MYO16: variants seen among roughly 807,000 people sequenced by gnomAD.
The protein encoded by MYO16 is myosin XVI, also known as unconventional myosin-XVI.
In MYO16, 94 loss-of-function variants were observed where a neutral mutation model predicts 205.3. The observed-to-expected ratio is 0.46, with a 90% CI of 0.39 to 0.54. MYO16 has a LOEUF of 0.54. MYO16 is among the 20% of genes least tolerant of loss of function. The pLI is 0.00. For synonymous variants in MYO16, 988 were observed against 954.0 expected, an observed-to-expected ratio of 1.04 and a Z score of -0.66; for missense variants, 2,315 against 2,387.5, an observed-to-expected ratio of 0.97 and a Z score of 0.63.
intron 1 of MYO16, among the ~76,000 whole-genome samples, chr13:108,645,138 C>A (rs1422286111): frequency 2.0e-5 from 3 of 152,168 alleles, no homozygotes; most frequent in Non-Finnish European, 4.4e-5. Flanking sequence ...TTACTTTGGA[C>A]CAGATCTAAG....
intron 9 of MYO16, among the ~76,000 whole-genome samples, chr13:108,834,935 T>C (rs1876822594): frequency 1.3e-5 from 2 of 151,878 alleles, no homozygotes. Flanking sequence ...AAATGTTTTA[T>C]TGTTAAAGAA....
At chr13:109,058,360 T>C (rs1887480060) in intron 27 of MYO16, among the ~76,000 whole-genome samples, 1 of 152,126 alleles carries the variant, frequency 6.6e-6, no homozygotes, top group African/African-American at 2.4e-5. Context: ...CAGTGACTGG[T>C]ATGCAGTTGA....
intron 27 of MYO16, among the ~76,000 whole-genome samples, chr13:109,078,089 A>G (rs766410545): frequency 2.0e-5 from 3 of 151,910 alleles, no homozygotes; most frequent in Admixed American, 2.0e-4. Flanking sequence ...GGTTTAAGTT[A>G]TTGTAGTTTT....
chr13:109,084,104 T>A (rs7984726), intron 27 of MYO16, among the ~76,000 whole-genome samples: 83,554 of 152,092 alleles, frequency 0.55, 23,333 homozygotes, highest in Non-Finnish European at 0.6. Flanking sequence ...ATAGTCTTCT[T>A]TTAATACCAT....
chr13:108,895,308 C>A (rs1013125386), intron 14 of MYO16, among the ~76,000 whole-genome samples: 1 of 151,832 alleles, frequency 6.6e-6, no homozygotes, highest in African/African-American at 2.4e-5. Flanking sequence ...TGTTACTGTG[C>A]AACGTTGTCA....
chr13:109,035,067 G>T (rs72654085), intron 23 of MYO16, among the ~76,000 whole-genome samples: 7,799 of 152,134 alleles, frequency 0.051, 267 homozygotes, highest in Non-Finnish European at 0.069. Flanking sequence ...TTGGTCTATT[G>T]TTCCTTCTAC....
At chr13:108,825,073 G>T (rs1034825707) in intron 9 of MYO16, among the ~76,000 whole-genome samples, 1 of 151,952 alleles carries the variant, frequency 6.6e-6, no homozygotes, top group Non-Finnish European at 1.5e-5. Context: ...GAATTACCCG[G>T]ATACAAAAAT....
intron 4 of MYO16, among the ~76,000 whole-genome samples, chr13:108,733,542 A>G (rs1450076058): frequency 6.6e-6 from 1 of 152,108 alleles, no homozygotes; most frequent in African/African-American, 2.4e-5. Flanking sequence ...TAATTCATTC[A>G]GAGCTAAGAG....
At chr13:109,145,983 G>C (rs1466867197) in intron 32 of MYO16, among the ~76,000 whole-genome samples, 5 of 152,234 alleles carry the variant, frequency 3.3e-5, no homozygotes, top group African/African-American at 4.8e-5. Flanking sequence ...TTCTGATACA[G>C]TGCATCCTTA....
intron 27 of MYO16, among the ~76,000 whole-genome samples, chr13:109,064,705 G>C (rs936603322): frequency 6.6e-6 from 1 of 152,106 alleles, no homozygotes; most frequent in South Asian, 2.1e-4. Flanking sequence ...CAAAAAAAAG[G>C]CTGAATGAGT....
chr13:109,202,844 A>G (rs79350550), intron 34 of MYO16, among the ~76,000 whole-genome samples: 11 of 152,334 alleles, frequency 7.2e-5, no homozygotes, highest in African/African-American at 2.6e-4. Context: ...CTAGTATAAA[A>G]CAGGCAGATA....
the MYO16 span, among the ~76,000 whole-genome samples, chr13:108,564,262 C>A: frequency 6.6e-6 from 1 of 151,636 alleles, no homozygotes; most frequent in African/African-American, 2.4e-5. Flanking sequence ...CCTCCATGTC[C>A]CAGGTTCAAG....
intron 7 of MYO16, among the ~76,000 whole-genome samples, chr13:108,809,194 AT>A (rs1258736639): frequency 1.3e-5 from 2 of 152,202 alleles, no homozygotes; most frequent in Non-Finnish European, 2.9e-5. Flanking sequence ...TTTATTCGTG[AT>A]AAGTCAGTTA....
chr13:109,090,679 AGAATCATGGGAAG>A (rs1189723030), intron 27 of MYO16, among the ~76,000 whole-genome samples: 1 of 152,248 alleles, frequency 6.6e-6, no homozygotes, highest in African/African-American at 2.4e-5. Flanking sequence ...ATTTCCTGTC[AGAATCATGGGAAG>A]GAGGGAAAAA....
At chr13:108,953,226 T>G (rs935808808) in intron 16 of MYO16, among the ~76,000 whole-genome samples, 1 of 152,242 alleles carries the variant, frequency 6.6e-6, no homozygotes, top group African/African-American at 2.4e-5. Flanking sequence ...GTTACTTTTA[T>G]CTGTCTGAGG....
At chr13:109,181,821 AT>A (rs1259095070) in intron 34 of MYO16, among the ~76,000 whole-genome samples, 43 of 148,368 alleles carry the variant, frequency 2.9e-4, no homozygotes, top group African/African-American at 8.3e-4. Context: ...TATTTATTTT[AT>A]TTTATTTTTT....
chr13:108,845,260 A>T (rs1341548763), intron 10 of MYO16, among the ~76,000 whole-genome samples: 1 of 152,196 alleles, frequency 6.6e-6, no homozygotes, highest in Non-Finnish European at 1.5e-5. Flanking sequence ...AAAGCAGATA[A>T]ACAAAACATC....
At chr13:108,685,376 A>G (rs973086760) in intron 2 of MYO16, among the ~76,000 whole-genome samples, 1 of 152,168 alleles carries the variant, frequency 6.6e-6, no homozygotes, top group Non-Finnish European at 1.5e-5. Flanking sequence ...CCTGGGGCTC[A>G]GAACTGGCAT....
intron 31 of MYO16, among the ~76,000 whole-genome samples, chr13:109,128,768 G>GTTTT (rs1172405612): frequency 1.5e-4 from 17 of 114,982 alleles, no homozygotes; most frequent in Non-Finnish European, 2.3e-4. Flanking sequence ...CACTTTTTTA[G>GTTTT]TTTTTTTTTT....
Sources: allele counts gnomAD v4.1 joint callset (sites outside exome capture counted in the v4.1 genomes callset), GRCh38; gene constraint gnomAD v4.1.1; transcripts MANE v1.5; gene names NCBI Gene and HGNC (gene_info 2026-07-23, HGNC 2026-07-21).